The following ARK2C variants were observed in gnomAD, a reference collection of about 807,000 sequenced individuals.
ARK2C encodes E3 ubiquitin-protein ligase ARK2C.
chr18:46,450,784 C>T, the ARK2C span: 5 of 1,613,362 alleles, frequency 3.1e-6, no homozygotes, highest in South Asian at 3.3e-5. Flanking sequence ...TCACCTTCCC[C>T]CACAAGTATA....
the ARK2C span, among the ~76,000 whole-genome samples, chr18:46,396,676 G>C: frequency 1.3e-5 from 2 of 152,150 alleles, no homozygotes; most frequent in Non-Finnish European, 2.9e-5. Flanking sequence ...TTCACTTCTC[G>C]GCCTGGCTGT....
the ARK2C span, among the ~76,000 whole-genome samples, chr18:46,401,132 A>T: frequency 1.3e-5 from 2 of 152,158 alleles, no homozygotes; most frequent in Non-Finnish European, 2.9e-5. Flanking sequence ...GTGAGGGCAC[A>T]GGAAGACTGT....
chr18:46,379,183 G>A, the ARK2C span, among the ~76,000 whole-genome samples: 6 of 152,172 alleles, frequency 3.9e-5, no homozygotes, highest in African/African-American at 1.4e-4. Context: ...AAGAGTTGCT[G>A]GAAACGCTAT....
At chr18:46,453,690 A>T in the ARK2C span, among the ~76,000 whole-genome samples, 1 of 152,120 alleles carries the variant, frequency 6.6e-6, no homozygotes, top group Non-Finnish European at 1.5e-5. Flanking sequence ...ATAATCATAT[A>T]CAATAAAATA....
chr18:46,436,994 G>T, the ARK2C span, among the ~76,000 whole-genome samples: 2 of 152,238 alleles, frequency 1.3e-5, no homozygotes, highest in Non-Finnish European at 2.9e-5. Context: ...GAGATGGCAG[G>T]AGGAGCAGCA....
At chr18:46,455,831 T>C in the ARK2C span, 7 of 592,448 alleles carry the variant, frequency 1.2e-5, no homozygotes, top group South Asian at 1.3e-4. Context: ...CAAGAATCAG[T>C]CTCAAAAACA....
chr18:46,376,107 C>T, the ARK2C span, among the ~76,000 whole-genome samples: 2 of 152,190 alleles, frequency 1.3e-5, no homozygotes, highest in African/African-American at 2.4e-5. Context: ...GTCACCCTCA[C>T]CTGTGGCAGA....
the ARK2C span, chr18:46,461,268 T>A: frequency 6.6e-6 from 1 of 152,130 alleles, no homozygotes; most frequent in Non-Finnish European, 1.5e-5. Flanking sequence ...ATCTTTAGGG[T>A]CCCTTAGATT....
chr18:46,428,916 AC>A, the ARK2C span, among the ~76,000 whole-genome samples: 2 of 152,064 alleles, frequency 1.3e-5, no homozygotes, highest in African/African-American at 4.8e-5. Context: ...ACCCGTTTTC[AC>A]CCCATTCTTT....
the ARK2C span, among the ~76,000 whole-genome samples, chr18:46,415,503 G>A: frequency 1.3e-5 from 2 of 151,838 alleles, no homozygotes; most frequent in African/African-American, 4.8e-5. Flanking sequence ...TCCAGCCTGG[G>A]CGACAGAACA....
At chr18:46,429,385 G>A in the ARK2C span, among the ~76,000 whole-genome samples, 2 of 152,156 alleles carry the variant, frequency 1.3e-5, no homozygotes, top group Admixed American at 6.5e-5. Context: ...ACCGCAGTGC[G>A]CTTTTAACTC....
the ARK2C span, among the ~76,000 whole-genome samples, chr18:46,445,159 C>T: frequency 2.6e-5 from 4 of 152,018 alleles, no homozygotes; most frequent in South Asian, 2.1e-4. Context: ...TAAGTAGTTA[C>T]GTTTGTTTTA....
chr18:46,425,695 C>T, the ARK2C span, among the ~76,000 whole-genome samples: 1 of 152,116 alleles, frequency 6.6e-6, no homozygotes, highest in African/African-American at 2.4e-5. Context: ...TTCCACTCCC[C>T]TCATCTGCTG....
At chr18:46,422,260 C>T in the ARK2C span, among the ~76,000 whole-genome samples, 2 of 152,332 alleles carry the variant, frequency 1.3e-5, no homozygotes, top group Middle Eastern at 3.4e-3. Context: ...CCCACAATTT[C>T]CCCACACCCT....
At chr18:46,408,654 G>A in the ARK2C span, among the ~76,000 whole-genome samples, 1 of 152,342 alleles carries the variant, frequency 6.6e-6, no homozygotes, top group South Asian at 2.1e-4. Flanking sequence ...GGGGGCTGGA[G>A]TTAATTAGAG....
At chr18:46,426,990 A>G in the ARK2C span, among the ~76,000 whole-genome samples, 1 of 152,136 alleles carries the variant, frequency 6.6e-6, no homozygotes, top group Non-Finnish European at 1.5e-5. Flanking sequence ...TGGGAGTTTC[A>G]CTCCTTGGAT....
At chr18:46,383,578 G>A in the ARK2C span, among the ~76,000 whole-genome samples, 35 of 125,934 alleles carry the variant, frequency 2.8e-4, no homozygotes, top group Non-Finnish European at 4.8e-4. Context: ...TTTTTGAGAC[G>A]GAGTCTCACT....
the ARK2C span, among the ~76,000 whole-genome samples, chr18:46,371,700 G>C: frequency 6.6e-6 from 1 of 152,332 alleles, no homozygotes; most frequent in Middle Eastern, 3.4e-3. Context: ...CTTCTGAGAA[G>C]CACTGGTGTT....
the ARK2C span, among the ~76,000 whole-genome samples, chr18:46,355,719 A>G: frequency 7.0e-6 from 1 of 142,322 alleles, no homozygotes; most frequent in East Asian, 2.1e-4. Context: ...GCTTCCTGGC[A>G]GAGCTGTGGC....
Sources: gnomAD v4.1 joint callset for allele counts (sites outside exome capture counted in the v4.1 genomes callset) on GRCh38, gnomAD v4.1.1 for gene constraint, MANE v1.5 for transcripts, NCBI Gene and HGNC (gene_info 2026-07-23, HGNC 2026-07-21) for gene names.